Variants in DHX34 observed in about 807,000 individuals in gnomAD.
DHX34 encodes the protein probable ATP-dependent RNA helicase DHX34.
Under a neutral mutation model 111.1 loss-of-function variants are expected in DHX34, and 96 were observed. The observed-to-expected ratio is 0.86, with a 90% CI of 0.73 to 1.02. DHX34 has a LOEUF of 1.02. DHX34 is among the 50% of genes least tolerant of loss of function. The pLI, the probability that DHX34 is intolerant of heterozygous loss-of-function variation, is 0.00. For missense variants in DHX34, 1,560 were observed against 1,579.9 expected (o/e 0.99, Z 0.21); for synonymous variants, 688 against 670.4 (o/e 1.03, Z -0.41).
At chr19:47,379,646 G>A in intron 13 of DHX34, 64 bp from the exon 14 acceptor site, 1 of 1,530,064 alleles carries the variant, frequency 6.5e-7, no homozygotes, top group Non-Finnish European at 8.8e-7. Flanking sequence ...GCCGGGCAGG[G>A]CCTGTCTCCA....
chr19:47,376,662 G>T, intron 12 of DHX34, 102 bp downstream of exon 12: 1 of 1,488,222 alleles, frequency 6.7e-7, no homozygotes, highest in Non-Finnish European at 9.0e-7. Flanking sequence ...CACCGGCCCA[G>T]GCTGGTATTG....
chr19:47,360,177 C>T (rs1392655361), intron 5 of DHX34, 107 bp downstream of exon 5: 29 of 1,029,580 alleles, frequency 2.8e-5, no homozygotes, highest in Middle Eastern at 2.4e-4. Flanking sequence ...TTGGGAAGTA[C>T]AGTTGACTTT....
intron 4 of DHX34, among the ~76,000 whole-genome samples, chr19:47,358,681 C>T (rs988928557): frequency 6.6e-6 from 1 of 152,030 alleles, no homozygotes; most frequent in Non-Finnish European, 1.5e-5. Flanking sequence ...GTGGCATGAT[C>T]GTGGCTTACT....
rs1356598727 is a variant in DHX34, at chr19:47,355,000, T to G, written c.706-39T>G. ...CAGGGCCAGGGGCTGGTACCCAGGCTCAGGGTCCTCTCCTGATCCTTTCTT... is the reference window on the plus strand; with the variant it reads ...CAGGGCCAGGGGCTGGTACCCAGGCGCAGGGTCCTCTCCTGATCCTTTCTT... On this transcript the variant is annotated intron_variant, in intron 2 of 16. Coordinates refer to ENST00000328771, the MANE Select transcript of DHX34 (RefSeq NM_014681.6). 1.9e-6 allele frequency: 3 copies of G among 1,600,952 alleles called. No homozygotes were observed. In the East Asian group the frequency reaches 6.7e-5, roughly 36 times the overall value.
chr19:47,381,993 T>C lies in DHX34; in HGVS notation c.3312T>C (p.Ala1104=). 1 of 1,614,088 alleles carries C rather than the reference T, an allele frequency of 6.2e-7. No individual in the cohort carries two copies. Among genetic ancestry groups the C allele is most frequent in the Non-Finnish European group, 8.5e-7 (1 of 1,179,990 alleles). The change falls in exon 17 of 17, where the codon GCT becomes GCC. Residue 1104 remains alanine, a synonymous_variant. Coordinates refer to ENST00000328771, the MANE Select transcript of DHX34 (RefSeq NM_014681.6). ...TTCCTCCCTTAGGGGCTGAGGAAGCTGCCCTCGAAACCCTCCAGAAGACAT... is the reference window on the plus strand; with the variant it reads ...TTCCTCCCTTAGGGGCTGAGGAAGCCGCCCTCGAAACCCTCCAGAAGACAT... ...PQDGPPGAEE[A]ALETLQKTSV...
intron 1 of DHX34, among the ~76,000 whole-genome samples, chr19:47,349,999 A>G (rs1173950650): frequency 6.6e-6 from 1 of 152,158 alleles, no homozygotes; most frequent in Non-Finnish European, 1.5e-5. Context: ...TCTATTGCTC[A>G]GTAAAATAGG....
intron 2 of DHX34, among the ~76,000 whole-genome samples, chr19:47,354,056 G>C (rs547292376): frequency 1.3e-5 from 2 of 152,092 alleles, no homozygotes; most frequent in South Asian, 4.2e-4. Flanking sequence ...TCTGCCTCCC[G>C]GGTTCAAGCA....
intron 6 of DHX34, among the ~76,000 whole-genome samples, chr19:47,363,339 C>T (rs1439527456): frequency 2.0e-5 from 3 of 152,060 alleles, no homozygotes; most frequent in Non-Finnish European, 4.4e-5. Context: ...GATCTTCCCA[C>T]CTTGGCCTTC....
chr19:47,362,767 T>G (rs1488528543), intron 6 of DHX34, 74 bp downstream of exon 6: 1 of 1,244,088 alleles, frequency 8.0e-7, no homozygotes, highest in East Asian at 2.7e-5. Flanking sequence ...CTTTTTTATT[T>G]TATTTTATTT....
At position 47,379,712 on chromosome 19, in the gene DHX34, C is replaced by A. The variant is rs754621432; in HGVS notation, c.2709C>A (p.Ser903=). The A allele has an allele frequency of 6.3e-7, 1 of 1,593,346 alleles. No individual in the cohort carries two copies. Among genetic ancestry groups the A allele is most frequent in the African/African-American group, 1.3e-5 (1 of 74,720 alleles). Residue 903 remains serine (S), a splice_region_variant and synonymous_variant, in exon 14 of 17, where the codon TCC becomes TCA. Transcript: ENST00000328771. ...VNCVRIPALQ[S]LLLFSRSLDT... ...GTCTTCTGCCCCCTCTCTTTCAGTC[C>A]CTCCTGCTTTTTAGCCGGTCTTTGG... is the stretch of plus-strand genomic sequence containing the variant.
intron 4 of DHX34, among the ~76,000 whole-genome samples, chr19:47,358,708 G>A (rs947417422): frequency 3.9e-5 from 6 of 151,990 alleles, no homozygotes; most frequent in African/African-American, 1.2e-4. Context: ...TCCACCTCCC[G>A]GGTTCAAGCG....
At position 47,382,229 on chromosome 19, in the gene DHX34, A is replaced by G; in HGVS notation, c.*116A>G. On this transcript the variant is annotated 3_prime_UTR_variant, in exon 17 of 17. Coordinates refer to ENST00000328771, the MANE Select transcript of DHX34 (RefSeq NM_014681.6). ...GGGCTTAGCCCTGTGGTCCTGTCCC[A>G]GTGCAGAGGGCCTGGAGCACGGATT... The G allele has an allele frequency of 1.3e-6, 2 of 1,483,066 alleles. No individual in the cohort carries two copies. The highest frequency in any genetic ancestry group is 2.4e-5 in the East Asian group (1 of 41,672). The allele number at this position is 1,483,066 out of a possible 1,614,324, so 91.9% of individuals were successfully genotyped here. A position where few individuals can be genotyped will look rare whatever the true frequency, so the allele number is the denominator to read the frequency against.
chr19:47,380,094 T>C, intron 14 of DHX34, 109 bp downstream of exon 14: 1 of 1,441,444 alleles, frequency 6.9e-7, no homozygotes, highest in South Asian at 1.5e-5. Context: ...ATGGGCACAT[T>C]TGGGGGTTTT....
chr19:47,374,789 C>CT (rs1173285272), intron 9 of DHX34, among the ~76,000 whole-genome samples: 1 of 152,156 alleles, frequency 6.6e-6, no homozygotes, highest in African/African-American at 2.4e-5. Context: ...TCCCCAGATG[C>CT]TTTGAGAATC....
At chr19:47,371,911 C>G (rs1423966214) in intron 7 of DHX34, among the ~76,000 whole-genome samples, 3 of 151,270 alleles carry the variant, frequency 2.0e-5, no homozygotes, top group African/African-American at 4.9e-5. Context: ...GCGGGTCAGA[C>G]ACATGACACA....
Position 47,373,591 on chromosome 19 carries a change from C to T in DHX34, c.1963-8C>T, listed in dbSNP as rs772098340. On this transcript the variant is annotated splice_region_variant and splice_polypyrimidine_tract_variant and intron_variant, in intron 8 of 16. Coordinates refer to ENST00000328771, the MANE Select transcript of DHX34 (RefSeq NM_014681.6). ...CCCTGACACCCTGGCGTCTGCTCCT[C>T]CACCCAGGTGAAATCTGAACGGAGC... 1 of 1,612,594 alleles carries T rather than the reference C, an allele frequency of 6.2e-7. No homozygotes were observed. The highest frequency in any genetic ancestry group is 1.3e-5 in the African/African-American group (1 of 74,918).
chr19:47,380,721 G>A, intron 14 of DHX34, 95 bp from the exon 15 acceptor site: 2 of 1,552,184 alleles, frequency 1.3e-6, no homozygotes, highest in Non-Finnish European at 1.7e-6. Flanking sequence ...TAACTGCAAA[G>A]CCCGAGGGAG....
At chr19:47,376,283 G>C in intron 11 of DHX34, 160 bp from the exon 12 acceptor site, 5 of 1,468,546 alleles carry the variant, frequency 3.4e-6, no homozygotes, top group Non-Finnish European at 4.5e-6. Context: ...GGGGAGTCAA[G>C]AGCACTATAG....
chr19:47,362,101 C>T (rs1333453992), intron 5 of DHX34, among the ~76,000 whole-genome samples: 1 of 151,248 alleles, frequency 6.6e-6, no homozygotes, highest in Non-Finnish European at 1.5e-5. Flanking sequence ...CCTGTGAAAC[C>T]CCGTCACTGC....
Sources: allele counts gnomAD v4.1 joint callset (sites outside exome capture counted in the v4.1 genomes callset), GRCh38; gene constraint gnomAD v4.1.1; transcripts MANE v1.5; gene names NCBI Gene and HGNC (gene_info 2026-07-23, HGNC 2026-07-21).